TMTC2: variants seen among roughly 807,000 people sequenced by gnomAD.
The protein encoded by TMTC2 is transmembrane O-mannosyltransferase targeting cadherins 2, also known as protein O-mannosyl-transferase TMTC2.
In TMTC2, 43 loss-of-function variants were observed where a neutral mutation model predicts 82.4. The ratio of observed to expected loss-of-function variants is 0.52; its 90% CI spans 0.41 to 0.67. TMTC2 has a LOEUF of 0.67. TMTC2 is among the 30% of genes least tolerant of loss of function. The pLI, the probability that TMTC2 is intolerant of heterozygous loss-of-function variation, is 0.00. For synonymous variants in TMTC2, 408 were observed against 381.9 expected (o/e 1.07, Z -0.80); for missense variants, 919 against 1,012.4 (o/e 0.91, Z 1.25).
At chr12:83,045,752 C>CACA (rs3223367) in intron 9 of TMTC2, among the ~76,000 whole-genome samples, 6 of 149,274 alleles carry the variant, frequency 4.0e-5, no homozygotes, top group East Asian at 2.0e-4. Flanking sequence ...CACACACACA[C>CACA]CAGGAGTGTC....
At chr12:82,743,208 C>T (rs747616318) in intron 1 of TMTC2, among the ~76,000 whole-genome samples, 2 of 152,012 alleles carry the variant, frequency 1.3e-5, no homozygotes, top group Non-Finnish European at 2.9e-5. Flanking sequence ...TTTGGGAGGC[C>T]GAGGTGGGTG....
In TMTC2 at chr12:83,085,404, A is replaced by G. The variant is rs147965367; in HGVS notation, c.2331+23573A>G. 1.2e-4 allele frequency among the ~76,000 whole-genome samples: 18 copies of G among 152,324 alleles called. No individual in the cohort carries two copies. In the South Asian group the frequency reaches 1.9e-3, roughly 16 times the overall value. ...TTAATTGCAGTCAGAGACAGTTTTC[A>G]TCATGCTACAAACCATTTTACATCC... is the stretch of plus-strand genomic sequence containing the variant. On this transcript the variant is annotated intron_variant, in intron 11 of 11. Transcript: ENST00000321196.
chr12:82,773,283 T>C (rs1877404174), intron 1 of TMTC2, among the ~76,000 whole-genome samples: 1 of 152,208 alleles, frequency 6.6e-6, no homozygotes, highest in Non-Finnish European at 1.5e-5. Context: ...CAGTGATTTA[T>C]TACTACTCAA....
intron 11 of TMTC2, among the ~76,000 whole-genome samples, chr12:83,071,343 G>C (rs916800750): frequency 5.3e-5 from 8 of 151,576 alleles, no homozygotes; most frequent in Non-Finnish European, 1.5e-5. Flanking sequence ...TTTTTTAGTG[G>C]AGACGGGGTT....
At chr12:82,844,998 T>C (rs1870560504) in intron 1 of TMTC2, among the ~76,000 whole-genome samples, 1 of 151,002 alleles carries the variant, frequency 6.6e-6, no homozygotes, top group Admixed American at 6.6e-5. Context: ...GAGGCCGAGG[T>C]GGGCGGATCA....
At chr12:82,847,133 G>A (rs1179098461) in intron 1 of TMTC2, among the ~76,000 whole-genome samples, 2 of 152,090 alleles carry the variant, frequency 1.3e-5, no homozygotes, top group East Asian at 3.9e-4. Flanking sequence ...CCAAGTATTT[G>A]CATATTAACT....
chr12:82,991,302 C>A (rs140079198), intron 8 of TMTC2, among the ~76,000 whole-genome samples: 1 of 152,076 alleles, frequency 6.6e-6, no homozygotes, highest in African/African-American at 2.4e-5. Context: ...AACTTGACTA[C>A]CTTGTTACTT....
chr12:83,069,490 A>G (rs1883032643), intron 11 of TMTC2, among the ~76,000 whole-genome samples: 1 of 152,110 alleles, frequency 6.6e-6, no homozygotes, highest in Non-Finnish European at 1.5e-5. Context: ...CCATTTGTAT[A>G]TCTTCTTTTG....
At chr12:82,822,818 T>G (rs967503807) in intron 1 of TMTC2, among the ~76,000 whole-genome samples, 1 of 152,248 alleles carries the variant, frequency 6.6e-6, no homozygotes, top group African/African-American at 2.4e-5. Context: ...AGTCATTTTG[T>G]GCTTCGTATA....
intron 1 of TMTC2, among the ~76,000 whole-genome samples, chr12:82,773,120 G>A (rs1224856729): frequency 6.6e-6 from 1 of 152,096 alleles, no homozygotes; most frequent in East Asian, 1.9e-4. Context: ...AATGTTATAT[G>A]TTGCTTTGCT....
chr12:82,694,658 G>T (rs976229028), intron 1 of TMTC2, among the ~76,000 whole-genome samples: 2 of 152,128 alleles, frequency 1.3e-5, no homozygotes, highest in Non-Finnish European at 2.9e-5. Context: ...TAGTGCCCTT[G>T]GAATAGCAGC....
intron 7 of TMTC2, among the ~76,000 whole-genome samples, chr12:82,985,713 C>A (rs554394834): frequency 6.6e-6 from 1 of 152,090 alleles, no homozygotes; most frequent in Non-Finnish European, 1.5e-5. Flanking sequence ...TTACTTGAGC[C>A]ATTTTACTTC....
chr12:82,735,775 G>C (rs1274579366), intron 1 of TMTC2, among the ~76,000 whole-genome samples: 1 of 151,862 alleles, frequency 6.6e-6, no homozygotes, highest in East Asian at 2.0e-4. Context: ...GACCAGCCTG[G>C]CCAACATAGT....
At chr12:82,907,340 A>G (rs1016094239) in intron 3 of TMTC2, among the ~76,000 whole-genome samples, 5 of 151,744 alleles carry the variant, frequency 3.3e-5, no homozygotes, top group Non-Finnish European at 5.9e-5. Flanking sequence ...GTGCGCGCCT[A>G]TAGTCCCAAC....
chr12:82,903,940 A>G (rs2137196272), intron 3 of TMTC2, among the ~76,000 whole-genome samples: 1 of 152,238 alleles, frequency 6.6e-6, no homozygotes, highest in Non-Finnish European at 1.5e-5. Flanking sequence ...TTATCATGAG[A>G]GGGTTAGAAT....
rs1877458256 is a variant in TMTC2 at position 82,953,513 on chromosome 12, T to C, written c.1599-11511T>C. On this transcript the variant is annotated intron_variant, in intron 4 of 11. Coordinates refer to ENST00000321196, the MANE Select transcript of TMTC2 (RefSeq NM_152588.3). ...TTTGTGTTTCATGAGTGTACCGTGC[T>C]ATTAAATTATCAGTCCTGTTGAATG... Among the ~76,000 whole-genome samples the C allele has an allele frequency of 2.0e-5, 3 of 152,246 alleles. No individual in the cohort carries two copies. The South Asian group carries it at 6.2e-4, about 31-fold the overall frequency.
chr12:82,844,446 G>C (rs1421578124), intron 1 of TMTC2, among the ~76,000 whole-genome samples: 1 of 152,176 alleles, frequency 6.6e-6, no homozygotes, highest in Non-Finnish European at 1.5e-5. Flanking sequence ...CATAGACCAA[G>C]ACCATGCACA....
intron 8 of TMTC2, among the ~76,000 whole-genome samples, chr12:83,011,444 T>A (rs181922330): frequency 1.0e-3 from 159 of 152,374 alleles, no homozygotes; most frequent in African/African-American, 3.6e-3. Flanking sequence ...GTCAACATAT[T>A]GTAAGGACTT....
At chr12:82,843,702 C>G (rs1014841581) in intron 1 of TMTC2, among the ~76,000 whole-genome samples, 1 of 152,040 alleles carries the variant, frequency 6.6e-6, no homozygotes, top group Non-Finnish European at 1.5e-5. Context: ...AATCCCAGCA[C>G]TTTGGGAGTC....
Sources: allele counts gnomAD v4.1 joint callset (sites outside exome capture counted in the v4.1 genomes callset), GRCh38; gene constraint gnomAD v4.1.1; transcripts MANE v1.5; gene names NCBI Gene and HGNC (gene_info 2026-07-23, HGNC 2026-07-21).